The following ZDHHC2 variants were observed in gnomAD, a reference collection of about 807,000 sequenced individuals.
ZDHHC2 encodes the protein palmitoyltransferase ZDHHC2.
In ZDHHC2, 51 loss-of-function variants were observed where a neutral mutation model predicts 55.6. That is an observed-to-expected ratio of 0.92 (90% CI 0.73 to 1.16). ZDHHC2 has a LOEUF of 1.16. Among genes scored for constraint, ZDHHC2 ranks in the 50% most tolerant of loss-of-function variants. ZDHHC2 has a pLI of 0.00. For synonymous variants in ZDHHC2, 199 were observed against 152.9 expected (o/e 1.30, Z -2.22); for missense variants, 491 against 442.4 (o/e 1.11, Z -0.99).
chr8:17,201,143 C>T (rs1415096839), intron 6 of ZDHHC2, among the ~76,000 whole-genome samples: 1 of 152,134 alleles, frequency 6.6e-6, no homozygotes, highest in Non-Finnish European at 1.5e-5. Flanking sequence ...AAACAGGTAG[C>T]CATGTTCTTC....
rs530960713 is a variant in ZDHHC2 at position 17,175,872 on chromosome 8, C to G, written c.131-8917C>G. Among the ~76,000 whole-genome samples, 97 of 152,252 alleles carry G rather than the reference C, an allele frequency of 6.4e-4. 5 individuals carry two copies. The highest frequency in any genetic ancestry group is 2.2e-3 in the African/African-American group (93 of 41,554). On this transcript the variant is annotated intron_variant, in intron 1 of 12. Transcript: ENST00000262096. ...ACCCTGAAGGAAGAGAAAGAAGGAG[C>G]CAAGCGTGGAGTCAGGTGTGGAGCT...
intron 6 of ZDHHC2, among the ~76,000 whole-genome samples, chr8:17,203,444 G>A (rs977378988): frequency 6.6e-6 from 1 of 151,994 alleles, no homozygotes; most frequent in East Asian, 1.9e-4. Context: ...GACCATGCCA[G>A]GCTGGTCTTG....
intron 9 of ZDHHC2, 151 bp from the exon 10 acceptor site, chr8:17,210,237 C>G (rs2150944674): frequency 9.5e-7 from 1 of 1,051,736 alleles, no homozygotes; most frequent in Non-Finnish European, 1.4e-6. Flanking sequence ...AATTCATCAT[C>G]TTCCTGAACA....
At chr8:17,183,827 G>A (rs1016350632) in intron 1 of ZDHHC2, among the ~76,000 whole-genome samples, 1 of 151,924 alleles carries the variant, frequency 6.6e-6, no homozygotes, top group South Asian at 2.1e-4. Flanking sequence ...AAGAAACTAC[G>A]GGCTTCTGCT....
intron 1 of ZDHHC2, among the ~76,000 whole-genome samples, chr8:17,178,341 G>C (rs964233642): frequency 1.3e-5 from 2 of 152,092 alleles, no homozygotes; most frequent in East Asian, 1.9e-4. Flanking sequence ...AATCATTCTA[G>C]ACTAAATTAA....
Position 17,156,934 on chromosome 8 carries a change from C to T in ZDHHC2, c.130+81C>T, listed in dbSNP as rs1488703573. On this transcript the variant is annotated intron_variant, in intron 1 of 12. Transcript: ENST00000262096. ...CCCGGGACGCTCAGCCGCTCCTCCG[C>T]TCTCGCCCCCCGGATGCGCCCCGGG... is the stretch of plus-strand genomic sequence containing the variant. The T allele has an allele frequency of 4.6e-6, 6 of 1,312,104 alleles. No homozygotes were observed. The Admixed American group carries it at 1.4e-4, about 31-fold the overall frequency. The allele number at this position is 1,312,104 out of a possible 1,614,324, so 81.3% of individuals were successfully genotyped here. A position where few individuals can be genotyped will look rare whatever the true frequency, so the allele number is the denominator to read the frequency against.
intron 1 of ZDHHC2, among the ~76,000 whole-genome samples, chr8:17,162,068 A>T (rs1804373783): frequency 6.6e-6 from 1 of 152,196 alleles, no homozygotes; most frequent in Non-Finnish European, 1.5e-5. Flanking sequence ...CTCCCATTTT[A>T]CTTTAATATA....
chr8:17,183,020 C>A (rs1805516868), intron 1 of ZDHHC2, among the ~76,000 whole-genome samples: 3 of 152,190 alleles, frequency 2.0e-5, no homozygotes, highest in African/African-American at 7.2e-5. Flanking sequence ...CCTTGGCCTC[C>A]CAAAATGTTG....
intron 12 of ZDHHC2, among the ~76,000 whole-genome samples, 196 bp from the exon 13 acceptor site, chr8:17,220,060 C>A (rs912823679): frequency 1.3e-5 from 2 of 151,950 alleles, no homozygotes; most frequent in Admixed American, 1.3e-4. Context: ...TTAATAGGAT[C>A]CTTTCGTATA....
intron 1 of ZDHHC2, among the ~76,000 whole-genome samples, chr8:17,163,791 T>C (rs540753380): frequency 1.3e-5 from 2 of 152,318 alleles, no homozygotes; most frequent in East Asian, 3.9e-4. Context: ...GAAAACAATA[T>C]TCTAAAGATG....
intron 3 of ZDHHC2, among the ~76,000 whole-genome samples, chr8:17,190,811 T>G (rs1805985300): frequency 6.6e-6 from 1 of 152,056 alleles, no homozygotes; most frequent in African/African-American, 2.4e-5. Context: ...CAGCGTAAAT[T>G]GGGTATCAGT....
In ZDHHC2 at chr8:17,190,951, C is replaced by CTTTTTTTT. The variant is rs10601402; in HGVS notation, c.253-4532_253-4525dup. ...TGTCAAATACTAGGTCTTATTCATT[C>CTTTTTTTT]TTTTTTTTTTTTTTTTTTTTTTTTT... On this transcript the variant is annotated intron_variant, in intron 3 of 12. Coordinates refer to ENST00000262096, the MANE Select transcript of ZDHHC2 (RefSeq NM_016353.5). Among the ~76,000 whole-genome samples, 38 of 52,776 alleles carry CTTTTTTTT rather than the reference C, an allele frequency of 7.2e-4. 4 individuals are homozygous for CTTTTTTTT. Among genetic ancestry groups the CTTTTTTTT allele is most frequent in the Non-Finnish European group, 1.0e-3 (30 of 29,432 alleles). 34.6% of individuals were successfully genotyped at this position (52,776 alleles called of 152,430 possible).
intron 4 of ZDHHC2, among the ~76,000 whole-genome samples, chr8:17,196,511 A>C (rs1488601336): frequency 6.6e-6 from 1 of 151,944 alleles, no homozygotes; most frequent in Non-Finnish European, 1.5e-5. Context: ...CTGTGGTTGC[A>C]CCACTGCACT....
intron 7 of ZDHHC2, among the ~76,000 whole-genome samples, chr8:17,207,403 T>C (rs1030818656): frequency 6.6e-6 from 1 of 152,316 alleles, no homozygotes; most frequent in African/African-American, 2.4e-5. Context: ...TGCACTGGTG[T>C]TGATCTTTTC....
At chr8:17,165,581 A>G (rs187576047) in intron 1 of ZDHHC2, among the ~76,000 whole-genome samples, 1 of 152,370 alleles carries the variant, frequency 6.6e-6, no homozygotes, top group Admixed American at 6.5e-5. Context: ...TTAACCGTCC[A>G]TAATTCATTG....
At chr8:17,199,212 G>A (rs934693132) in intron 6 of ZDHHC2, among the ~76,000 whole-genome samples, 13 of 152,104 alleles carry the variant, frequency 8.5e-5, no homozygotes, top group African/African-American at 3.1e-4. Context: ...GATTCCCAGG[G>A]GAATGTAGGA....
At chr8:17,168,121 C>G (rs1237343602) in intron 1 of ZDHHC2, among the ~76,000 whole-genome samples, 1 of 152,130 alleles carries the variant, frequency 6.6e-6, no homozygotes, top group African/African-American at 2.4e-5. Flanking sequence ...CTCTCCAAGA[C>G]CCTTGGAGTT....
intron 1 of ZDHHC2, among the ~76,000 whole-genome samples, chr8:17,175,927 G>A (rs1322211568): frequency 2.6e-5 from 4 of 152,146 alleles, no homozygotes; most frequent in Admixed American, 2.0e-4. Context: ...GCTAAGGTTT[G>A]GTGTGTTTTT....
chr8:17,175,567 T>C (rs1455584894), intron 1 of ZDHHC2, among the ~76,000 whole-genome samples: 2 of 152,226 alleles, frequency 1.3e-5, no homozygotes, highest in Non-Finnish European at 2.9e-5. Context: ...TTATCCTCCA[T>C]ATTTGATGAA....
Sources: gnomAD v4.1 joint callset for allele counts (sites outside exome capture counted in the v4.1 genomes callset) on GRCh38, gnomAD v4.1.1 for gene constraint, MANE v1.5 for transcripts, NCBI Gene and HGNC (gene_info 2026-07-23, HGNC 2026-07-21) for gene names.